The following FRAS1 variants were observed in gnomAD, a reference collection of about 807,000 sequenced individuals.
The protein encoded by FRAS1 is Fraser extracellular matrix complex subunit 1.
A neutral mutation model predicts 435.2 loss-of-function variants in FRAS1; 290 were observed. The ratio of observed to expected loss-of-function variants is 0.67; its 90% confidence interval spans 0.61 to 0.73. The LOEUF (loss-of-function observed/expected upper bound fraction) is 0.73. Ranked by LOEUF, FRAS1 falls within the 30% of genes least tolerant of loss-of-function variation. FRAS1 has a pLI of 0.00. For missense variants in FRAS1, 4,860 were observed against 5,001.5 expected (o/e 0.97, Z 0.85); for synonymous variants, 1,800 against 1,851.0 (o/e 0.97, Z 0.71).
At chr4:78,261,660 G>C (rs1726114021) in intron 6 of FRAS1, among the ~76,000 whole-genome samples, 1 of 151,760 alleles carries the variant, frequency 6.6e-6, no homozygotes, top group South Asian at 2.1e-4. Context: ...CAGGGACACA[G>C]AAAAAATCTG....
chr4:78,464,041 A>G lies in FRAS1; in HGVS notation c.6784A>G (p.Thr2262Ala). ...ASPGIQISSFTQADLTSRNVQ... is the reference protein window; with the variant it reads ...ASPGIQISSFAQADLTSRNVQ... The stretch of plus-strand genomic sequence containing the variant: ...TCTAGGTATCCAGATTAGTTCCTTT[A>G]CTCAAGCTGATCTGACTTCACGAAA... The change falls in exon 48 of 74, where the codon ACT becomes GCT. Residue 2262 changes from threonine (T) to alanine (A), a missense_variant. Thr to Ala is a moderately conservative substitution (Grantham distance 58, BLOSUM62 0). Transcript: ENST00000512123. 1 of 1,613,256 alleles carries G rather than the reference A, an allele frequency of 6.2e-7. No homozygotes were observed. The highest frequency in any genetic ancestry group is 8.5e-7 in the Non-Finnish European group (1 of 1,179,768).
rs1222527403 is a variant in FRAS1 at position 78,353,877 on chromosome 4, T to C, written c.2423-9636T>C. ...GTCAGGGGAGGGGGGAGGGATAGCA[T>C]TGGGAGATATACCTAATGCTAGATG... On this transcript the variant is annotated intron_variant, in intron 20 of 73. Coordinates refer to ENST00000512123, the MANE Select transcript of FRAS1 (RefSeq NM_025074.7). Among the ~76,000 whole-genome samples, 4 of 18,154 alleles carry C rather than the reference T, an allele frequency of 2.2e-4. 2 individuals are homozygous for C. Among genetic ancestry groups the C allele is most frequent in the Admixed American group, 2.0e-3 (4 of 1,958 alleles). 11.9% of individuals were successfully genotyped at this position (18,154 alleles called of 152,430 possible).
intron 13 of FRAS1, among the ~76,000 whole-genome samples, chr4:78,286,103 G>C (rs1451080706): frequency 6.6e-6 from 1 of 152,160 alleles, no homozygotes. Flanking sequence ...AGCCTCATGT[G>C]ACCATGGGCA....
intron 31 of FRAS1, among the ~76,000 whole-genome samples, chr4:78,409,538 A>T (rs1446138514): frequency 6.6e-6 from 1 of 152,230 alleles, no homozygotes; most frequent in Non-Finnish European, 1.5e-5. Flanking sequence ...GAATTGGTTA[A>T]TTATAAAATG....
At position 78,384,200 on chromosome 4, in the gene FRAS1, G is replaced by A. The variant is rs995274332; in HGVS notation, c.3648+57G>A. ...TACATGACTACTAGTTCTCAAGCAC[G>A]AAATCTAGGTTTCCTGTGGATTTAA... On this transcript the variant is annotated intron_variant, in intron 28 of 73. Coordinates refer to ENST00000512123, the MANE Select transcript of FRAS1 (RefSeq NM_025074.7). 49 of 1,162,188 alleles carry A rather than the reference G, an allele frequency of 4.2e-5. 1 individual carries two copies. Among genetic ancestry groups the A allele is most frequent in the Non-Finnish European group, 5.5e-5 (45 of 812,396 alleles). The allele number at this position is 1,162,188 out of a possible 1,614,324, so 72.0% of individuals were successfully genotyped here.
intron 14 of FRAS1, among the ~76,000 whole-genome samples, chr4:78,295,540 C>T: frequency 6.6e-6 from 1 of 152,078 alleles, no homozygotes. Flanking sequence ...GTTGATGGCC[C>T]ATTTTCATCA....
At chr4:78,238,405 A>G (rs1448153262) in intron 3 of FRAS1, among the ~76,000 whole-genome samples, 1 of 88,778 alleles carries the variant, frequency 1.1e-5, no homozygotes, top group African/African-American at 3.1e-5. Flanking sequence ...GACAAGACCA[A>G]TTATTGTATT....
intron 26 of FRAS1, 129 bp downstream of exon 26, chr4:78,376,008 G>GCTAC (rs1410225435): frequency 7.8e-6 from 8 of 1,022,864 alleles, no homozygotes; most frequent in Non-Finnish European, 1.5e-6. Context: ...AACCCATGGT[G>GCTAC]CTACTAAGGA....
chr4:78,281,784 A>AAG (rs1271245840), intron 11 of FRAS1, among the ~76,000 whole-genome samples: 1 of 152,212 alleles, frequency 6.6e-6, no homozygotes, highest in Non-Finnish European at 1.5e-5. Flanking sequence ...GTGCTGAAGA[A>AAG]AGAGCTTCTT....
Position 78,540,521 on chromosome 4 carries a change from C to T in FRAS1, c.11446-10C>T, listed in dbSNP as rs199917686. The T allele has an allele frequency of 2.0e-6, 3 of 1,480,768 alleles. No individual in the cohort carries two copies. Among genetic ancestry groups the T allele is most frequent in the South Asian group, 3.0e-5 (2 of 66,280 alleles). 91.7% of individuals were successfully genotyped at this position (1,480,768 alleles called of 1,614,324 possible). ...GGCAACAACAACATGTTCGGTTTGT[C>T]CCCCTGCAGGTGGAAGCAGGACACC... is the stretch of plus-strand genomic sequence containing the variant. On this transcript the variant is annotated splice_polypyrimidine_tract_variant and intron_variant, in intron 73 of 73. Coordinates refer to ENST00000512123, the MANE Select transcript of FRAS1 (RefSeq NM_025074.7).
At chr4:78,322,459 G>C (rs1012213321) in intron 18 of FRAS1, among the ~76,000 whole-genome samples, 2 of 152,148 alleles carry the variant, frequency 1.3e-5, no homozygotes, top group African/African-American at 2.4e-5. Context: ...AATGCTTTCT[G>C]TAAGGAAGAG....
intron 2 of FRAS1, among the ~76,000 whole-genome samples, chr4:78,148,053 C>A (rs1578152646): frequency 6.6e-6 from 1 of 152,124 alleles, no homozygotes; most frequent in Non-Finnish European, 1.5e-5. Context: ...AAGAAAATGT[C>A]ACTTGTTCAC....
intron 2 of FRAS1, among the ~76,000 whole-genome samples, chr4:78,116,648 G>A (rs1743204655): frequency 6.6e-6 from 1 of 152,140 alleles, no homozygotes; most frequent in South Asian, 2.1e-4. Context: ...GACTAGGATT[G>A]CAATCCCTGC....
At chr4:78,438,156 C>G (rs1001304950) in intron 38 of FRAS1, among the ~76,000 whole-genome samples, 3 of 152,040 alleles carry the variant, frequency 2.0e-5, no homozygotes, top group Non-Finnish European at 2.9e-5. Flanking sequence ...TTCTTAAAAG[C>G]AAAACATTCT....
intron 2 of FRAS1, among the ~76,000 whole-genome samples, chr4:78,115,520 C>G (rs527472292): frequency 1.3e-5 from 2 of 152,268 alleles, no homozygotes; most frequent in South Asian, 2.1e-4. Context: ...TGTTATTGAT[C>G]TATTCAGAGA....
At chr4:78,066,421 A>T (rs1740043086) in intron 2 of FRAS1, among the ~76,000 whole-genome samples, 1 of 152,230 alleles carries the variant, frequency 6.6e-6, no homozygotes, top group African/African-American at 2.4e-5. Context: ...TAAGTAGAAT[A>T]GGAAGGATTT....
intron 2 of FRAS1, among the ~76,000 whole-genome samples, chr4:78,232,466 T>C (rs1373882368): frequency 1.3e-5 from 2 of 152,060 alleles, no homozygotes; most frequent in African/African-American, 4.8e-5. Flanking sequence ...TTTGTGTTTT[T>C]AGTAGAGACA....
At chr4:78,112,761 G>C (rs1207945384) in intron 2 of FRAS1, among the ~76,000 whole-genome samples, 1 of 151,644 alleles carries the variant, frequency 6.6e-6, no homozygotes, top group Non-Finnish European at 1.5e-5. Flanking sequence ...GTCTGACAAA[G>C]CTATGTCAGC....
chr4:78,133,017 G>A lies in FRAS1; in HGVS notation c.108+67001G>A, dbSNP rs533526417. ...TTGAACCCAGGAGGCGGAAGTTGCAGTGAGCTGAGATCACGCCACTGCACT... is the reference window on the plus strand; with the variant it reads ...TTGAACCCAGGAGGCGGAAGTTGCAATGAGCTGAGATCACGCCACTGCACT... On this transcript the variant is annotated intron_variant, in intron 2 of 73. Coordinates refer to ENST00000512123, the MANE Select transcript of FRAS1 (RefSeq NM_025074.7). Among the ~76,000 whole-genome samples, 17 of 152,312 alleles carry A rather than the reference G, an allele frequency of 1.1e-4. No homozygotes were observed. In the East Asian group the frequency reaches 3.1e-3, roughly 28 times the overall value.
Sources: gnomAD v4.1 joint callset for allele counts (sites outside exome capture counted in the v4.1 genomes callset) on GRCh38, gnomAD v4.1.1 for gene constraint, MANE v1.5 for transcripts, NCBI Gene and HGNC (gene_info 2026-07-23, HGNC 2026-07-21) for gene names.